Variants in ALKBH6 observed in about 807,000 individuals in gnomAD.
The protein encoded by ALKBH6 is alkB homolog 6, nucleotide demethylase, also known as probable RNA/DNA demethylase ALKBH6.
In ALKBH6, 20 loss-of-function variants were observed where a neutral mutation model predicts 25.1. That is an observed-to-expected ratio of 0.80 (90% CI 0.56 to 1.16). The LOEUF (loss-of-function observed/expected upper bound fraction) is 1.16. Among genes scored for constraint, ALKBH6 ranks in the 50% most tolerant of loss-of-function variants. The probability of loss-of-function intolerance (pLI) is 0.00; values close to 1 mark genes in which losing one functional copy is unlikely to be tolerated. For synonymous variants in ALKBH6, 156 were observed against 147.5 expected (o/e 1.06, Z -0.42); for missense variants, 263 against 326.5 (o/e 0.81, Z 1.50).
rs1476335617 is a variant in ALKBH6, at chr19:36,010,080, G to C, written c.453+487C>G. Among the ~76,000 whole-genome samples the C allele has an allele frequency of 9.9e-5, 15 of 152,156 alleles. No individual in the cohort carries two copies. The highest frequency in any genetic ancestry group is 9.8e-4 in the Admixed American group (15 of 15,276). ...GGCTCGAGGGCAAGCCTCAAGGAGT[G>C]GGTCGGCGTGTTCAGGGGCGTTTCT... On this transcript the variant is annotated intron_variant, in intron 6 of 6. Coordinates refer to ENST00000378875, the MANE Select transcript of ALKBH6 (RefSeq NM_032878.5). The surrounding 1 kb of genome is among the most constrained non-coding windows in gnomAD (Gnocchi z 5.5).
Position 36,010,890 on chromosome 19 carries a change from T to G in ALKBH6, c.336+4A>C. On this transcript the variant is annotated splice_donor_region_variant and intron_variant, in intron 5 of 6. Transcript: ENST00000378875. The surrounding 1 kb of genome is among the most constrained non-coding windows in gnomAD (Gnocchi z 5.5). Reference sequence around the variant, plus strand: ...GGGGACACGGGCCGAGGGTGTGTGGTTACCATGATGCCCTCCCCAGGCAGA... The same window carrying G: ...GGGGACACGGGCCGAGGGTGTGTGGGTACCATGATGCCCTCCCCAGGCAGA... 1 of 1,613,550 alleles carries G rather than the reference T, an allele frequency of 6.2e-7. No individual in the cohort carries two copies. The highest frequency in any genetic ancestry group is 1.7e-4 in the Middle Eastern group (1 of 6,036).
intron 6 of ALKBH6, 88 bp from the exon 7 acceptor site, chr19:36,009,641 TC>T: frequency 1.1e-6 from 1 of 951,304 alleles, no homozygotes; most frequent in Non-Finnish European, 1.4e-6. Context: ...GATCAGCTAG[TC>T]CCCAGGGGCA....
rs1968715090 is a variant in ALKBH6, at chr19:36,014,171, T to C, written c.-26+4A>G. ...CTCTACCCCCAGCACTCCCCAAAAC[T>C]GACCGTCCACCAGCGTCCCCTCCAA... On this transcript the variant is annotated splice_donor_region_variant and intron_variant, in intron 1 of 6. Transcript: ENST00000378875. The C allele has an allele frequency of 6.2e-7, 1 of 1,611,982 alleles. No homozygotes were observed. The highest frequency in any genetic ancestry group is 2.3e-5 in the East Asian group (1 of 44,426).
At chr19:36,011,269 C>G in intron 4 of ALKBH6, 135 bp downstream of exon 4, 2 of 1,198,468 alleles carry the variant, frequency 1.7e-6, no homozygotes, top group Non-Finnish European at 2.3e-6. Context: ...TCCACTGACC[C>G]CTTCAGAATC....
chr19:36,011,545 T>G, intron 3 of ALKBH6, 81 bp from the exon 4 acceptor site: 15 of 1,457,766 alleles, frequency 1.0e-5, no homozygotes, highest in African/African-American at 7.0e-5. Context: ...TAGGGGCCTT[T>G]ACCTCCGGGA....
intron 3 of ALKBH6, chr19:36,011,828 G>C (rs1015415603): frequency 1.1e-5 from 2 of 180,596 alleles, no homozygotes; most frequent in African/African-American, 4.7e-5. Flanking sequence ...GCTCATGCCT[G>C]TAATCCCAGC....
chr19:36,011,597 C>T lies in ALKBH6; in HGVS notation c.124-133G>A, dbSNP rs113810018. 328 of 965,038 alleles carry T rather than the reference C, an allele frequency of 3.4e-4. 1 individual carries two copies. The African/African-American group carries it at 4.7e-3, about 14-fold the overall frequency. The allele number at this position is 965,038 out of a possible 1,614,324, so 59.8% of individuals were successfully genotyped here. A position where few individuals can be genotyped will look rare whatever the true frequency, so the allele number is the denominator to read the frequency against. On this transcript the variant is annotated intron_variant, in intron 3 of 6. Coordinates refer to ENST00000378875, the MANE Select transcript of ALKBH6 (RefSeq NM_032878.5). ...GTGTCTGTGGGACCATTCCCTGGGG[C>T]GGTGGGTTCCTAGGATTTTGTGGTT...
Position 36,010,059 on chromosome 19 carries a change from C to G in ALKBH6, c.454-506G>C, listed in dbSNP as rs1463557847. On this transcript the variant is annotated intron_variant, in intron 6 of 6. Coordinates refer to ENST00000378875, the MANE Select transcript of ALKBH6 (RefSeq NM_032878.5). The surrounding 1 kb of genome is among the most constrained non-coding windows in gnomAD (Gnocchi z 5.5). ...AGAGCATCCAGGAGCATGCAGGGCTCGAGGGCAAGCCTCAAGGAGTGGGTC... is the reference window on the plus strand; with the variant it reads ...AGAGCATCCAGGAGCATGCAGGGCTGGAGGGCAAGCCTCAAGGAGTGGGTC... Among the ~76,000 whole-genome samples, 3 of 152,038 alleles carry G rather than the reference C, an allele frequency of 2.0e-5. No homozygotes were observed. Among genetic ancestry groups the G allele is most frequent in the African/African-American group, 4.8e-5 (2 of 41,366 alleles).
chr19:36,009,666 A>T, intron 6 of ALKBH6, 113 bp from the exon 7 acceptor site: 2 of 736,798 alleles, frequency 2.7e-6, no homozygotes, highest in Non-Finnish European at 3.7e-6. Context: ...GCTGAAGAGC[A>T]AGTGTGCTCA....
chr19:36,009,419 G>A lies in ALKBH6; in HGVS notation c.588C>T (p.Ser196=), dbSNP rs1968515892. 2.4e-6 allele frequency: 3 copies of A among 1,246,114 alleles called. No individual in the cohort carries two copies. Among genetic ancestry groups the A allele is most frequent in the South Asian group, 3.6e-5 (1 of 27,942 alleles). 77.2% of individuals were successfully genotyped at this position (1,246,114 alleles called of 1,614,324 possible). Residue 196 remains serine (S), a synonymous_variant, in exon 7 of 7, where the codon TCC becomes TCT. Transcript: ENST00000378875. ...GGCAGGCTGCCGCATTGGGCGGCGA[G>A]GAGGCGGCGTCCAGCGCGTCTACGC... ...AARVDALDAA[S]SPPNAAACPS... is the part of the protein sequence containing the mutation.
At chr19:36,009,608 G>GGCC in intron 6 of ALKBH6, 55 bp from the exon 7 acceptor site, 2 of 336,920 alleles carry the variant, frequency 5.9e-6, no homozygotes, top group East Asian at 1.7e-4. Flanking sequence ...GTGGGGGTGG[G>GGCC]CGAGAGGTCG....
In ALKBH6 at chr19:36,011,232, T is replaced by A. The variant is rs1968604053; in HGVS notation, c.184+172A>T. ...GTCCCTTTCAGATACTCCCAACTCATCAGGAAATCCCTAATCCCTCAGGAC... is the reference window on the plus strand; with the variant it reads ...GTCCCTTTCAGATACTCCCAACTCAACAGGAAATCCCTAATCCCTCAGGAC... On this transcript the variant is annotated intron_variant, in intron 4 of 6. Transcript: ENST00000378875. 3 of 1,131,188 alleles carry A rather than the reference T, an allele frequency of 2.7e-6. No homozygotes were observed. In the African/African-American group the frequency reaches 4.7e-5, roughly 18 times the overall value. The allele number at this position is 1,131,188 out of a possible 1,614,324, so 70.1% of individuals were successfully genotyped here. A position where few individuals can be genotyped will look rare whatever the true frequency, so the allele number is the denominator to read the frequency against.
chr19:36,013,242 C>T lies in ALKBH6; in HGVS notation c.54+102G>A. ...GGGACCAGTGCCATTCCAGAATGGA[C>T]TCTGACAGTAAGAATGAATTTGGTG... On this transcript the variant is annotated intron_variant, in intron 2 of 6. Transcript: ENST00000378875. The surrounding 1 kb of genome is among the most constrained non-coding windows in gnomAD (Gnocchi z 4.6). 5.9e-6 allele frequency: 9 copies of T among 1,517,152 alleles called. No individual in the cohort carries two copies. The South Asian group carries it at 9.1e-5, about 15-fold the overall frequency. The allele number at this position is 1,517,152 out of a possible 1,614,324, so 94.0% of individuals were successfully genotyped here.
chr19:36,010,708 G>A lies in ALKBH6; in HGVS notation c.337-25C>T. On this transcript the variant is annotated intron_variant, in intron 5 of 6. Coordinates refer to ENST00000378875, the MANE Select transcript of ALKBH6 (RefSeq NM_032878.5). The surrounding 1 kb of genome is among the most constrained non-coding windows in gnomAD (Gnocchi z 5.5). Reference sequence around the variant, plus strand: ...GCTAGGGAGTGGGCACCAGGGCTGGGCAGGGCAGGAGTCCACAACCCCCAC... The same window carrying A: ...GCTAGGGAGTGGGCACCAGGGCTGGACAGGGCAGGAGTCCACAACCCCCAC... 1 of 1,606,640 alleles carries A rather than the reference G, an allele frequency of 6.2e-7. No individual in the cohort carries two copies.
intron 4 of ALKBH6, 42 bp downstream of exon 4, chr19:36,011,362 T>C: frequency 6.2e-7 from 1 of 1,606,042 alleles, no homozygotes; most frequent in Non-Finnish European, 8.5e-7. Context: ...TGCCCCAGCC[T>C]ACATCCCAGA....
chr19:36,013,933 C>G lies in ALKBH6; in HGVS notation c.-26+242G>C. On this transcript the variant is annotated intron_variant, in intron 1 of 6. Transcript: ENST00000378875. The surrounding 1 kb of genome is among the most constrained non-coding windows in gnomAD (Gnocchi z 4.6). ...CACCCTCAGCCTCCTCGGATCCCCC[C>G]ATTTGGACGCCCCTCGGATTTCCCC... 1.5e-6 allele frequency: 2 copies of G among 1,375,522 alleles called. No individual in the cohort carries two copies. The highest frequency in any genetic ancestry group is 3.4e-5 in the South Asian group (2 of 58,922). The allele number at this position is 1,375,522 out of a possible 1,614,324, so 85.2% of individuals were successfully genotyped here.
rs1968561634 is a variant in ALKBH6, at chr19:36,010,342, T to A, written c.453+225A>T. ...GAGTCAGGGGTATCCATTCAGCAGG[T>A]TGGGGCATCGGGGAGCCTGTGAAAA... On this transcript the variant is annotated intron_variant, in intron 6 of 6. Coordinates refer to ENST00000378875, the MANE Select transcript of ALKBH6 (RefSeq NM_032878.5). The surrounding 1 kb of genome is among the most constrained non-coding windows in gnomAD (Gnocchi z 5.5). 1.8e-6 allele frequency: 1 copy of A among 566,904 alleles called. No individual in the cohort carries two copies. The highest frequency in any genetic ancestry group is 3.2e-6 in the Non-Finnish European group (1 of 314,718). The allele number at this position is 566,904 out of a possible 1,614,324, so 35.1% of individuals were successfully genotyped here.
intron 6 of ALKBH6, 102 bp from the exon 7 acceptor site, chr19:36,009,655 A>C: frequency 1.2e-6 from 1 of 829,436 alleles, no homozygotes; most frequent in Non-Finnish European, 1.6e-6. Flanking sequence ...CAGGGGCAAA[A>C]GCTGAAGAGC....
In ALKBH6 at chr19:36,011,012, T is replaced by C. The variant is rs773480634; in HGVS notation, c.218A>G (p.Glu73Gly). 1.2e-6 allele frequency: 2 copies of C among 1,612,650 alleles called. No homozygotes were observed. Among genetic ancestry groups the C allele is most frequent in the South Asian group, 2.2e-5 (2 of 90,852 alleles). ...GCGCTGGAGCCATGGGGGCAGCCGCTCAGGAACCATCCCTCGGGGATGAGG... is the reference window on the plus strand; with the variant it reads ...GCGCTGGAGCCATGGGGGCAGCCGCCCAGGAACCATCCCTCGGGGATGAGG... ...GLPHPRGMVP[E>G]RLPPWLQRYV... The change falls in exon 5 of 7, where the codon GAG (glutamate) becomes GGG (glycine). Residue 73 changes from glutamate (E) to glycine (G), a missense_variant. By Grantham distance (98) the Glu-to-Gly change is moderately conservative. Coordinates refer to ENST00000378875, the MANE Select transcript of ALKBH6 (RefSeq NM_032878.5).
Sources: gnomAD v4.1 joint callset for allele counts (sites outside exome capture counted in the v4.1 genomes callset) on GRCh38, gnomAD v4.1.1 for gene constraint, Gnocchi (gnomAD v3.1) non-coding constraint, MANE v1.5 for transcripts, NCBI Gene and HGNC (gene_info 2026-07-23, HGNC 2026-07-21) for gene names.